The following GPC3 variants were observed in gnomAD, a reference collection of about 807,000 sequenced individuals.
GPC3 encodes the protein glypican-3.
Under a neutral mutation model 34.4 loss-of-function variants are expected in GPC3, and 3 were observed. That is an observed-to-expected ratio of 0.09 (90% CI 0.04 to 0.23). The LOEUF is 0.23. GPC3 is among the 10% of genes least tolerant of loss of function. GPC3 has a pLI of 1.00. For synonymous variants in GPC3, 177 were observed against 174.0 expected, an observed-to-expected ratio of 1.02 and a Z score of -0.13; for missense variants, 351 against 445.6, an observed-to-expected ratio of 0.79 and a Z score of 1.91.
chrX:133,929,301 T>A (rs1231455546), intron 2 of GPC3, among the ~76,000 whole-genome samples: 1 of 112,551 alleles, frequency 8.9e-6, no homozygotes, highest in African/African-American at 3.2e-5. Flanking sequence ...CCACTGGTTT[T>A]CCATATAGTT....
chrX:133,868,241 G>A (rs1399862831), intron 2 of GPC3, among the ~76,000 whole-genome samples: 1 of 111,822 alleles, frequency 8.9e-6, no homozygotes, highest in African/African-American at 3.3e-5. Flanking sequence ...AGAGCCCAAA[G>A]CACTCACCCT....
chrX:133,901,856 G>A (rs1174481241), intron 2 of GPC3, among the ~76,000 whole-genome samples: 1 of 112,212 alleles, frequency 8.9e-6, no homozygotes, highest in Non-Finnish European at 1.9e-5. Context: ...TCTGCAGAAT[G>A]TCAAAAACGT....
intron 2 of GPC3, among the ~76,000 whole-genome samples, chrX:133,769,607 G>T (rs1287690507): frequency 1.8e-5 from 2 of 111,057 alleles, no homozygotes; most frequent in African/African-American, 6.5e-5. Context: ...TAGAAGGCAG[G>T]TCATCTAATC....
intron 2 of GPC3, among the ~76,000 whole-genome samples, chrX:133,844,734 G>A (rs149075119): frequency 1.4e-3 from 157 of 111,988 alleles, no homozygotes; most frequent in South Asian, 2.6e-3. Flanking sequence ...CTCACCCTCC[G>A]CTGCTACCTA....
At chrX:133,821,571 G>C (rs1242249021) in intron 2 of GPC3, among the ~76,000 whole-genome samples, 2 of 111,827 alleles carry the variant, frequency 1.8e-5, no homozygotes, top group Admixed American at 1.9e-4. Context: ...TGAAATGGAG[G>C]CCTGGTTCTA....
chrX:133,555,269 T>C (rs1212636813), intron 7 of GPC3, among the ~76,000 whole-genome samples: 2 of 111,566 alleles, frequency 1.8e-5, no homozygotes, highest in Non-Finnish European at 3.8e-5. Context: ...TTCTGGATGC[T>C]CCTCCTACTT....
At chrX:133,661,929 C>G (rs1325394631) in intron 5 of GPC3, 79 bp from the exon 6 acceptor site, 1 of 1,131,419 alleles carries the variant, frequency 8.8e-7, no homozygotes, top group Non-Finnish European at 1.2e-6. Flanking sequence ...TTGGCATCAA[C>G]AGTCAGACTG....
intron 3 of GPC3, among the ~76,000 whole-genome samples, chrX:133,738,100 A>G (rs1436787040): frequency 9.0e-6 from 1 of 111,665 alleles, no homozygotes; most frequent in Admixed American, 9.5e-5. Flanking sequence ...AGTAGCTGAG[A>G]CCACAGGCAT....
chrX:133,844,770 A>G lies in GPC3; in HGVS notation c.338-90594T>C, dbSNP rs1051814960. Reference sequence around the variant, plus strand: ...CAGTGGAGATTATAGAAAGTGGAGTAAAGATATAGTTGAGTTACAAGAATA... The same window carrying G: ...CAGTGGAGATTATAGAAAGTGGAGTGAAGATATAGTTGAGTTACAAGAATA... On this transcript the variant is annotated intron_variant, in intron 2 of 7. Transcript: ENST00000370818. 5.3e-4 allele frequency among the ~76,000 whole-genome samples: 59 copies of G among 112,295 alleles called. No individual in the cohort carries two copies. In the Admixed American group the frequency reaches 5.4e-3, roughly 10 times the overall value.
chrX:133,778,365 C>T (rs1345916096), intron 2 of GPC3, among the ~76,000 whole-genome samples: 2 of 111,940 alleles, frequency 1.8e-5, no homozygotes, highest in Admixed American at 9.5e-5. Flanking sequence ...AGACAGCCCC[C>T]TTCTTTGGTT....
chrX:133,932,638 C>A (rs2076303250), intron 2 of GPC3, among the ~76,000 whole-genome samples: 1 of 111,305 alleles, frequency 9.0e-6, no homozygotes, highest in Non-Finnish European at 1.9e-5. Flanking sequence ...TTCATAAAAC[C>A]AAATTAGAGT....
intron 2 of GPC3, among the ~76,000 whole-genome samples, chrX:133,853,970 T>C (rs999442413): frequency 8.9e-6 from 1 of 112,148 alleles, no homozygotes; most frequent in African/African-American, 3.2e-5. Flanking sequence ...CAAAAATTTT[T>C]CCACTAGTCT....
intron 1 of GPC3, among the ~76,000 whole-genome samples, chrX:133,975,719 A>T (rs970234674): frequency 1.8e-5 from 2 of 112,475 alleles, no homozygotes; most frequent in African/African-American, 6.5e-5. Flanking sequence ...AGTACCTGGC[A>T]TAGTATCAGT....
chrX:133,961,211 AG>A lies in GPC3; in HGVS notation c.176-8001del, dbSNP rs2076439876. ...AGCCTGAAAGAACATGACTTTGCAG[AG>A]GGCGCACCTGGGTATCAGGAGCTCA... On this transcript the variant is annotated intron_variant, in intron 1 of 7. Coordinates refer to ENST00000370818, the MANE Select transcript of GPC3 (RefSeq NM_004484.4). 3.6e-5 allele frequency among the ~76,000 whole-genome samples: 4 copies of A among 111,244 alleles called. No individual in the cohort carries two copies. In the South Asian group the frequency reaches 1.5e-3, roughly 43 times the overall value.
intron 2 of GPC3, among the ~76,000 whole-genome samples, chrX:133,780,092 T>A (rs959065673): frequency 9.0e-6 from 1 of 111,536 alleles, no homozygotes; most frequent in Non-Finnish European, 1.9e-5. Flanking sequence ...GGCTGGGAAA[T>A]GACCTAGACG....
At chrX:133,675,652 T>C in intron 5 of GPC3, among the ~76,000 whole-genome samples, 1 of 112,184 alleles carries the variant, frequency 8.9e-6, no homozygotes, top group South Asian at 3.8e-4. Context: ...TGTCAACCTG[T>C]TGCCCCTGGG....
At chrX:133,571,158 C>A (rs2069625507) in intron 7 of GPC3, among the ~76,000 whole-genome samples, 1 of 111,416 alleles carries the variant, frequency 9.0e-6, no homozygotes, top group African/African-American at 3.3e-5. Context: ...AGAACGGTTT[C>A]TCTGACAAAA....
At chrX:133,822,868 C>T (rs2124536651) in intron 2 of GPC3, among the ~76,000 whole-genome samples, 1 of 110,520 alleles carries the variant, frequency 9.0e-6, no homozygotes, top group Non-Finnish European at 1.9e-5. Flanking sequence ...GTGGCTCATG[C>T]TTGTAATCCC....
intron 3 of GPC3, among the ~76,000 whole-genome samples, chrX:133,735,578 G>A: frequency 9.0e-6 from 1 of 111,605 alleles, no homozygotes; most frequent in African/African-American, 3.3e-5. Context: ...GACACATAAA[G>A]AAATATATAA....
Sources: gnomAD v4.1 joint callset for allele counts (sites outside exome capture counted in the v4.1 genomes callset) on GRCh38, gnomAD v4.1.1 for gene constraint, MANE v1.5 for transcripts, NCBI Gene and HGNC (gene_info 2026-07-23, HGNC 2026-07-21) for gene names.